KDM2A: variants seen among roughly 807,000 people sequenced by gnomAD.
The protein encoded by KDM2A is lysine-specific demethylase 2A.
KDM2A carries 3 observed loss-of-function variants against 137.3 expected under a neutral mutation model. The ratio of observed to expected loss-of-function variants is 0.02; its 90% CI spans 0.01 to 0.06. The LOEUF (loss-of-function observed/expected upper bound fraction) is 0.06, where lower values mean the gene tolerates loss of function less well. Ranked by LOEUF, KDM2A falls within the 10% of genes least tolerant of loss-of-function variation. The pLI is 1.00. For missense variants in KDM2A, 738 were observed against 1,510.6 expected (o/e 0.49, Z 8.48); for synonymous variants, 512 against 541.5 (o/e 0.95, Z 0.76).
In KDM2A at chr11:67,250,786, C is replaced by T. The variant is rs771413718; in HGVS notation, c.2756C>T (p.Thr919Met). The T allele has an allele frequency of 4.6e-6, 7 of 1,527,456 alleles. No homozygotes were observed. Among genetic ancestry groups the T allele is most frequent in the African/African-American group, 4.2e-5 (3 of 72,164 alleles). The allele number at this position is 1,527,456 out of a possible 1,614,324, so 94.6% of individuals were successfully genotyped here. ...TGTGAATGTATGCGAGTGTGCAAGA[C>T]GTGGTATAAATGGTGAGCAGGGATT... ...ELCECMRVCKTWYKWCCDKRL... is the reference protein window; with the variant it reads ...ELCECMRVCKMWYKWCCDKRL... Residue 919 changes from threonine to methionine, a missense_variant, in exon 17 of 21, where the codon ACG (threonine) becomes ATG (methionine). Transcript: ENST00000529006. This position sits in a 1 kb window ranked among gnomAD's most constrained non-coding sequence, Gnocchi z 7.1.
At chr11:67,200,990 G>A (rs1857606211) in intron 5 of KDM2A, among the ~76,000 whole-genome samples, 1 of 151,872 alleles carries the variant, frequency 6.6e-6, no homozygotes, top group Non-Finnish European at 1.5e-5. Context: ...TCAGGAGATT[G>A]AGACCATCTG....
In KDM2A at chr11:67,154,025, G is replaced by A. The variant is rs553218117; in HGVS notation, c.43-26054G>A. 4.4e-3 allele frequency among the ~76,000 whole-genome samples: 672 copies of A among 152,216 alleles called. 3 individuals are homozygous for A. Among genetic ancestry groups the A allele is most frequent in the Admixed American group, 9.6e-3 (146 of 15,286 alleles). The stretch of plus-strand genomic sequence containing the variant: ...AACATGATCTTACCACAGATTTACG[G>A]TTATACTGAAGAAAATTCAAATTCC... On this transcript the variant is annotated intron_variant, in intron 2 of 20. Coordinates refer to ENST00000529006, the MANE Select transcript of KDM2A (RefSeq NM_012308.3).
At chr11:67,224,577 C>T (rs1228284165) in intron 10 of KDM2A, among the ~76,000 whole-genome samples, 1 of 144,292 alleles carries the variant, frequency 6.9e-6, no homozygotes, top group Non-Finnish European at 1.5e-5. Context: ...ACACCATTCT[C>T]CTGCCTCAGC....
chr11:67,124,577 GC>G, intron 2 of KDM2A, among the ~76,000 whole-genome samples: 1 of 148,328 alleles, frequency 6.7e-6, no homozygotes, highest in East Asian at 2.0e-4. Context: ...CTCCCAAAGT[GC>G]TGGGATTACA....
chr11:67,147,641 G>T (rs1392594753), intron 2 of KDM2A, among the ~76,000 whole-genome samples: 3 of 151,514 alleles, frequency 2.0e-5, no homozygotes, highest in African/African-American at 7.3e-5. Context: ...CAAGGATCAA[G>T]GGCTTTCTCT....
At chr11:67,122,974 CTTTTA>C (rs1489738147) in intron 2 of KDM2A, among the ~76,000 whole-genome samples, 1 of 151,854 alleles carries the variant, frequency 6.6e-6, no homozygotes, top group African/African-American at 2.4e-5. Flanking sequence ...TGCATCTGGC[CTTTTA>C]TTTTTATTTT....
intron 2 of KDM2A, among the ~76,000 whole-genome samples, chr11:67,136,393 T>C (rs1430367220): frequency 6.6e-6 from 1 of 152,204 alleles, no homozygotes; most frequent in Non-Finnish European, 1.5e-5. Context: ...AGTTTATAAA[T>C]GTTTCACTGA....
intron 11 of KDM2A, among the ~76,000 whole-genome samples, chr11:67,228,448 T>G (rs2136420315): frequency 6.6e-6 from 1 of 152,160 alleles, no homozygotes; most frequent in South Asian, 2.1e-4. Context: ...TCCTAGCACT[T>G]TGGGAGGCCA....
intron 2 of KDM2A, among the ~76,000 whole-genome samples, chr11:67,177,260 C>T (rs1045458697): frequency 1.3e-5 from 2 of 151,888 alleles, no homozygotes; most frequent in African/African-American, 2.4e-5. Flanking sequence ...AGCAAGACTC[C>T]GTCTCAAAAA....
intron 2 of KDM2A, among the ~76,000 whole-genome samples, chr11:67,158,968 TCTTTTCATTC>T (rs1856579267): frequency 6.6e-6 from 1 of 152,242 alleles, no homozygotes. Flanking sequence ...GAGTGGCTTG[TCTTTTCATTC>T]CTTTGACAGT....
intron 5 of KDM2A, among the ~76,000 whole-genome samples, chr11:67,187,210 G>A (rs1445315889): frequency 1.3e-5 from 2 of 152,226 alleles, no homozygotes; most frequent in South Asian, 2.1e-4. Flanking sequence ...ATGTATCTAA[G>A]TACAAAAGAA....
At chr11:67,174,215 G>A (rs1856932206) in intron 2 of KDM2A, among the ~76,000 whole-genome samples, 1 of 152,102 alleles carries the variant, frequency 6.6e-6, no homozygotes, top group Admixed American at 6.5e-5. Flanking sequence ...CTGAGATTGC[G>A]CCACTGCACT....
At chr11:67,168,696 T>C (rs969848602) in intron 2 of KDM2A, among the ~76,000 whole-genome samples, 5 of 150,470 alleles carry the variant, frequency 3.3e-5, no homozygotes, top group Non-Finnish European at 7.4e-5. Flanking sequence ...TGTCCGTCTA[T>C]CCACATATGG....
chr11:67,121,464 G>GCACAGAAAAGTCACCCGAAA, intron 2 of KDM2A, 106 bp downstream of exon 2: 1 of 1,113,240 alleles, frequency 9.0e-7, no homozygotes, highest in Non-Finnish European at 1.3e-6. Flanking sequence ...CTTTTCGGGT[G>GCACAGAAAAGTCACCCGAAA]ACTTTTCTGT....
chr11:67,125,242 A>C (rs996226725), intron 2 of KDM2A, among the ~76,000 whole-genome samples: 1 of 149,042 alleles, frequency 6.7e-6, no homozygotes, highest in African/African-American at 2.5e-5. Flanking sequence ...GTGCAGTGGC[A>C]TGATCATAGG....
In KDM2A at chr11:67,245,249, A is replaced by G. The variant is rs1859171074; in HGVS notation, c.1624A>G (p.Thr542Ala). The G allele has an allele frequency of 3.7e-6, 6 of 1,614,038 alleles. No homozygotes were observed. The highest frequency in any genetic ancestry group is 1.7e-5 in the Admixed American group (1 of 60,030). Reference sequence around the variant, plus strand: ...TACCATCCCCATTACGAAGCCTCACACTATGAAACCAGCTCCACGGTTAAC... The same window carrying G: ...TACCATCCCCATTACGAAGCCTCACGCTATGAAACCAGCTCCACGGTTAAC... Reference protein sequence around the residue: ...VPTIPITKPHTMKPAPRLTPV... With the variant: ...VPTIPITKPHAMKPAPRLTPV... The change falls in exon 14 of 21, where the codon ACT (threonine) becomes GCT (alanine). Residue 542 changes from threonine (T) to alanine (A), a missense_variant. Physicochemically the swap from Thr to Ala is moderately conservative, Grantham distance 58. This residue lies in a region of KDM2A where 71 missense variants were observed against 147.9 expected (regional missense o/e 0.48). Transcript: ENST00000529006. This position sits in a 1 kb window ranked among gnomAD's most constrained non-coding sequence, Gnocchi z 4.1.
chr11:67,168,026 G>A (rs948351310), intron 2 of KDM2A, among the ~76,000 whole-genome samples: 1 of 152,082 alleles, frequency 6.6e-6, no homozygotes, highest in Admixed American at 6.6e-5. Flanking sequence ...CAGTGATTCC[G>A]ACTCTTTTTA....
chr11:67,128,631 C>T (rs534120493), intron 2 of KDM2A, among the ~76,000 whole-genome samples: 5 of 152,188 alleles, frequency 3.3e-5, no homozygotes, highest in Admixed American at 3.3e-4. Flanking sequence ...CAGTCTTCCA[C>T]AGTAAGCTAT....
chr11:67,183,677 A>G (rs1224132255), intron 5 of KDM2A, among the ~76,000 whole-genome samples: 1 of 152,220 alleles, frequency 6.6e-6, no homozygotes, highest in Non-Finnish European at 1.5e-5. Context: ...CATGACAAGC[A>G]GCTGTGCATA....
Sources: gnomAD v4.1 joint callset for allele counts (sites outside exome capture counted in the v4.1 genomes callset) on GRCh38, gnomAD v4.1.1 for gene constraint, gnomAD v4.1.1 regional missense constraint, Gnocchi (gnomAD v3.1) non-coding constraint, MANE v1.5 for transcripts, NCBI Gene and HGNC (gene_info 2026-07-23, HGNC 2026-07-21) for gene names.